Variants in ADCY2 observed in about 807,000 individuals in gnomAD.
ADCY2 encodes the protein adenylate cyclase 2.
A neutral mutation model predicts 125.2 loss-of-function variants in ADCY2; 31 were observed. That is an observed-to-expected ratio of 0.25 (90% CI 0.19 to 0.33). The LOEUF is 0.33. Ranked by LOEUF, ADCY2 falls within the 10% of genes least tolerant of loss-of-function variation. ADCY2 has a pLI of 1.00. For missense variants in ADCY2, 904 were observed against 1,418.2 expected, an observed-to-expected ratio of 0.64 and a Z score of 5.82; for synonymous variants, 512 against 548.4, an observed-to-expected ratio of 0.93 and a Z score of 0.93.
intron 2 of ADCY2, among the ~76,000 whole-genome samples, chr5:7,461,168 C>A (rs968373006): frequency 3.9e-5 from 6 of 152,154 alleles, no homozygotes; most frequent in Middle Eastern, 6.3e-3. Flanking sequence ...TTCAAAGAGA[C>A]TTCCAGGAAG....
At chr5:7,451,996 C>T (rs574298690) in intron 2 of ADCY2, among the ~76,000 whole-genome samples, 16 of 152,206 alleles carry the variant, frequency 1.1e-4, no homozygotes, top group East Asian at 5.8e-4. Context: ...CTGCAACGTC[C>T]GCCTCCCAGG....
chr5:7,802,372 C>A lies in ADCY2; in HGVS notation c.2775+8C>A, dbSNP rs758191897. 1.9e-6 allele frequency: 3 copies of A among 1,613,426 alleles called. No homozygotes were observed. In the African/African-American group the frequency reaches 4.0e-5, roughly 22 times the overall value. On this transcript the variant is annotated splice_region_variant and intron_variant, in intron 21 of 24. Transcript: ENST00000338316. The surrounding 1 kb of genome is among the most constrained non-coding windows in gnomAD (Gnocchi z 4.6). ...ATCGCTGACTTTGATGATGTAGGTA[C>A]TGAGAGTTGCCCTCGAAGGGCAGCA...
intron 17 of ADCY2, 86 bp downstream of exon 17, chr5:7,766,892 G>T: frequency 6.9e-7 from 1 of 1,446,780 alleles, no homozygotes; most frequent in South Asian, 1.6e-5. Context: ...TCTCAGATCT[G>T]TTCTAGACTT....
At position 7,709,274 on chromosome 5, in the gene ADCY2, A is replaced by C. The variant is rs1304574599; in HGVS notation, c.1465A>C (p.Arg489=). Residue 489 remains arginine, a synonymous_variant, in exon 10 of 25, where the codon AGG becomes CGG. Coordinates refer to ENST00000338316, the MANE Select transcript of ADCY2 (RefSeq NM_020546.3). This position sits in a 1 kb window ranked among gnomAD's most constrained non-coding sequence, Gnocchi z 4.4. ...CCACACCCTTGATGGAGCCAAAATG[A>C]GGGCCTCGGTCCGCATGACCCGGTA... ...PRHTLDGAKM[R]ASVRMTRYLE... The C allele has an allele frequency of 3.1e-6, 5 of 1,613,894 alleles. No homozygotes were observed. The highest frequency in any genetic ancestry group is 4.2e-6 in the Non-Finnish European group (5 of 1,179,916).
intron 2 of ADCY2, among the ~76,000 whole-genome samples, chr5:7,518,296 G>A (rs1451307514): frequency 6.6e-6 from 1 of 152,174 alleles, no homozygotes; most frequent in African/African-American, 2.4e-5. Flanking sequence ...GGAAGATGAA[G>A]TGAGGGAGGT....
intron 2 of ADCY2, among the ~76,000 whole-genome samples, chr5:7,465,808 G>C (rs1041901492): frequency 2.0e-5 from 3 of 152,096 alleles, no homozygotes; most frequent in African/African-American, 7.2e-5. Flanking sequence ...TCTTAGCTTA[G>C]AATATATGTA....
intron 3 of ADCY2, among the ~76,000 whole-genome samples, chr5:7,599,437 G>A (rs749499731): frequency 3.3e-5 from 5 of 152,188 alleles, no homozygotes; most frequent in Non-Finnish European, 5.9e-5. Context: ...TGGGTAGTGG[G>A]AGGAGACACC....
chr5:7,642,971 G>A (rs1738761605), intron 4 of ADCY2, among the ~76,000 whole-genome samples: 1 of 151,978 alleles, frequency 6.6e-6, no homozygotes, highest in South Asian at 2.1e-4. Context: ...ATGTGGAAAT[G>A]AAAGAACCAT....
chr5:7,824,458 C>T (rs1187840299), intron 24 of ADCY2, among the ~76,000 whole-genome samples: 1 of 152,182 alleles, frequency 6.6e-6, no homozygotes, highest in African/African-American at 2.4e-5. Flanking sequence ...AGTTAACCCC[C>T]AAAGCACCAA....
chr5:7,647,686 G>T (rs112024666), intron 4 of ADCY2, among the ~76,000 whole-genome samples: 1 of 152,256 alleles, frequency 6.6e-6, no homozygotes, highest in Non-Finnish European at 1.5e-5. Flanking sequence ...GAGAATGAAG[G>T]TTATAAACCA....
intron 13 of ADCY2, among the ~76,000 whole-genome samples, chr5:7,725,408 A>G (rs1013596809): frequency 6.6e-6 from 1 of 152,180 alleles, no homozygotes; most frequent in South Asian, 2.1e-4. Context: ...TATGAATATC[A>G]AATAGAAATA....
At chr5:7,474,653 T>C (rs574158800) in intron 2 of ADCY2, among the ~76,000 whole-genome samples, 1 of 152,248 alleles carries the variant, frequency 6.6e-6, no homozygotes, top group South Asian at 2.1e-4. Context: ...AGAGAGCCTC[T>C]GAGGAGAAGT....
At chr5:7,502,792 G>C (rs1336478149) in intron 2 of ADCY2, among the ~76,000 whole-genome samples, 15 of 152,118 alleles carry the variant, frequency 9.9e-5, no homozygotes, top group Non-Finnish European at 1.5e-5. Context: ...TACTGTGCTT[G>C]ACACTAGTAA....
intron 18 of ADCY2, among the ~76,000 whole-genome samples, chr5:7,778,615 T>C (rs899116168): frequency 2.6e-4 from 39 of 152,344 alleles, no homozygotes; most frequent in African/African-American, 8.9e-4. Flanking sequence ...AGGAAGAGCA[T>C]TGGAGATGCT....
Position 7,561,910 on chromosome 5 carries a change from A to G in ADCY2, c.570+41011A>G, listed in dbSNP as rs1285959755. 3.1e-4 allele frequency among the ~76,000 whole-genome samples: 47 copies of G among 152,196 alleles called. 1 individual carries two copies. The highest frequency in any genetic ancestry group is 2.7e-3 in the Admixed American group (41 of 15,272). ...AGGTCTAAGCTAATTTTGATTCTCT[A>G]TAATACTAAGTCTTCACACTCAGGA... On this transcript the variant is annotated intron_variant, in intron 3 of 24. Transcript: ENST00000338316.
chr5:7,428,272 G>A (rs1740461957), intron 2 of ADCY2, among the ~76,000 whole-genome samples: 2 of 152,182 alleles, frequency 1.3e-5, no homozygotes, highest in Non-Finnish European at 2.9e-5. Context: ...CACAGGGAAT[G>A]CTGCCTACCT....
At chr5:7,622,187 A>G (rs1004128128) in intron 3 of ADCY2, among the ~76,000 whole-genome samples, 5 of 152,232 alleles carry the variant, frequency 3.3e-5, no homozygotes, top group Non-Finnish European at 7.3e-5. Flanking sequence ...CTTTGATATT[A>G]TTTTTGAAAA....
At chr5:7,573,428 A>G (rs957884324) in intron 3 of ADCY2, among the ~76,000 whole-genome samples, 1 of 152,060 alleles carries the variant, frequency 6.6e-6, no homozygotes, top group African/African-American at 2.4e-5. Flanking sequence ...GTGCTCACAT[A>G]TTTCAGAGGC....
chr5:7,551,041 C>G (rs1219489428), intron 3 of ADCY2, among the ~76,000 whole-genome samples: 1 of 139,940 alleles, frequency 7.1e-6, no homozygotes, highest in Non-Finnish European at 1.5e-5. Flanking sequence ...TCCCTTCCTC[C>G]CTTCCTTCCT....
Sources: gnomAD v4.1 joint callset for allele counts (sites outside exome capture counted in the v4.1 genomes callset) on GRCh38, gnomAD v4.1.1 for gene constraint, Gnocchi (gnomAD v3.1) non-coding constraint, MANE v1.5 for transcripts, NCBI Gene and HGNC (gene_info 2026-07-23, HGNC 2026-07-21) for gene names.